COL4A5: variants seen among roughly 807,000 people sequenced by gnomAD.
COL4A5 encodes the protein collagen alpha-5(IV) chain.
COL4A5 carries 26 observed loss-of-function variants against 130.2 expected under a neutral mutation model. The ratio of observed to expected loss-of-function variants is 0.20; its 90% CI spans 0.15 to 0.28. The LOEUF (loss-of-function observed/expected upper bound fraction) is 0.28, where lower values mean the gene tolerates loss of function less well. Among genes scored for constraint, COL4A5 ranks in the 10% least tolerant of loss-of-function variants. COL4A5 has a pLI of 1.00. For synonymous variants in COL4A5, 496 were observed against 439.6 expected, an observed-to-expected ratio of 1.13 and a Z score of -1.60; for missense variants, 1,131 against 1,344.3, an observed-to-expected ratio of 0.84 and a Z score of 2.48.
At chrX:108,544,861 T>C (rs2065619090) in intron 2 of COL4A5, among the ~76,000 whole-genome samples, 1 of 112,067 alleles carries the variant, frequency 8.9e-6, no homozygotes, top group African/African-American at 3.2e-5. Flanking sequence ...TTGAGGAGTT[T>C]ATCCATTTCT....
chrX:108,542,760 C>G (rs1448503958), intron 2 of COL4A5, among the ~76,000 whole-genome samples: 1 of 104,679 alleles, frequency 9.6e-6, no homozygotes, highest in African/African-American at 4.0e-5. Flanking sequence ...CACATCCTCT[C>G]CAGCACCTGT....
intron 36 of COL4A5, chrX:108,627,503 A>G: frequency 1.4e-6 from 1 of 738,854 alleles, no homozygotes; most frequent in East Asian, 1.5e-4. Context: ...TTTTTTCAAT[A>G]TATCTTAGAC....
At chrX:108,621,398 C>T (rs1014531266) in intron 31 of COL4A5, among the ~76,000 whole-genome samples, 6 of 109,843 alleles carry the variant, frequency 5.5e-5, no homozygotes, top group Non-Finnish European at 1.1e-4. Flanking sequence ...TTCCTGTCCT[C>T]GAGCAATCCT....
chrX:108,469,637 T>A (rs1569474333), intron 1 of COL4A5, among the ~76,000 whole-genome samples: 2 of 112,111 alleles, frequency 1.8e-5, no homozygotes, highest in African/African-American at 6.5e-5. Flanking sequence ...CTTTTTGCTT[T>A]AAAGCTATAA....
At chrX:108,565,984 CTTTTT>C (rs113282994) in intron 4 of COL4A5, among the ~76,000 whole-genome samples, 1 of 86,761 alleles carries the variant, frequency 1.2e-5, no homozygotes, top group African/African-American at 4.2e-5. Flanking sequence ...GGCTATTCTT[CTTTTT>C]TTTTTTTTTT....
intron 29 of COL4A5, among the ~76,000 whole-genome samples, chrX:108,613,203 T>C (rs2066866544): frequency 8.9e-6 from 1 of 112,330 alleles, no homozygotes; most frequent in African/African-American, 3.2e-5. Flanking sequence ...GCAAACTTTT[T>C]CTGCAAAGAG....
intron 36 of COL4A5, among the ~76,000 whole-genome samples, chrX:108,632,487 G>A (rs746449710): frequency 3.3e-4 from 37 of 110,877 alleles, no homozygotes; most frequent in African/African-American, 1.0e-3. Context: ...TTATGAGGCC[G>A]GCATCATCCT....
chrX:108,453,503 G>T (rs1382385222), intron 1 of COL4A5, among the ~76,000 whole-genome samples: 1 of 110,506 alleles, frequency 9.0e-6, no homozygotes, highest in Non-Finnish European at 1.9e-5. Context: ...ACATTTAATG[G>T]GTTTATTGCC....
intron 49 of COL4A5, among the ~76,000 whole-genome samples, chrX:108,690,927 G>A (rs752733151): frequency 9.0e-6 from 1 of 111,607 alleles, no homozygotes; most frequent in African/African-American, 3.3e-5. Flanking sequence ...TCCAACAAAG[G>A]ATGAATGGAT....
chrX:108,658,904 A>G (rs775438587), intron 37 of COL4A5, among the ~76,000 whole-genome samples: 3 of 111,199 alleles, frequency 2.7e-5, no homozygotes, highest in Non-Finnish European at 5.7e-5. Flanking sequence ...ATTTCTGCTT[A>G]TATCTGTATT....
Position 108,622,819 on chromosome X carries a change from T to C in COL4A5, c.2911T>C (p.Leu971=). 1 of 1,205,807 alleles carries C rather than the reference T, an allele frequency of 8.3e-7. No individual in the cohort carries two copies. The highest frequency in any genetic ancestry group is 1.1e-6 in the Non-Finnish European group (1 of 892,550). Reference sequence around the variant, plus strand: ...AAAAGGAGAGAAGGGGGAACCTGGCTTACCAGGTGAGTGAATGAATTTATT... The same window carrying C: ...AAAAGGAGAGAAGGGGGAACCTGGCCTACCAGGTGAGTGAATGAATTTATT... ...GSKGEKGEPG[L]PGIPGVSGPK... Residue 971 remains leucine (L), a synonymous_variant, in exon 33 of 53, where the codon TTA becomes CTA. Transcript: ENST00000328300.
intron 36 of COL4A5, among the ~76,000 whole-genome samples, chrX:108,651,436 A>G (rs748727192): frequency 4.5e-5 from 5 of 111,894 alleles, no homozygotes; most frequent in Admixed American, 9.5e-5. Flanking sequence ...TTAAATTACT[A>G]TCTTTATTTT....
chrX:108,569,094 A>C (rs1042614118), intron 6 of COL4A5: 1 of 286,231 alleles, frequency 3.5e-6, no homozygotes, highest in Non-Finnish European at 6.1e-6. Flanking sequence ...AATTAAAACG[A>C]AATTAGGATA....
intron 9 of COL4A5, among the ~76,000 whole-genome samples, chrX:108,575,176 A>G (rs2066125055): frequency 1.8e-5 from 2 of 111,851 alleles, no homozygotes. Flanking sequence ...AGTTTTTAAC[A>G]TGCCAAATTA....
intron 36 of COL4A5, among the ~76,000 whole-genome samples, chrX:108,640,656 A>G (rs1427720053): frequency 9.0e-6 from 1 of 111,282 alleles, no homozygotes; most frequent in African/African-American, 3.3e-5. Context: ...AATTCTGGAG[A>G]TATATGGTGG....
intron 1 of COL4A5, among the ~76,000 whole-genome samples, chrX:108,455,396 G>A (rs2064574188): frequency 8.9e-6 from 1 of 112,019 alleles, no homozygotes; most frequent in Non-Finnish European, 1.9e-5. Flanking sequence ...CACTTTAAAA[G>A]TACTAAATTG....
At chrX:108,516,263 G>A (rs1188704529) in intron 1 of COL4A5, among the ~76,000 whole-genome samples, 1 of 112,221 alleles carries the variant, frequency 8.9e-6, no homozygotes, top group Non-Finnish European at 1.9e-5. Flanking sequence ...GACTTACTGA[G>A]TCTTAAATGC....
At chrX:108,443,448 G>A (rs1442536149) in intron 1 of COL4A5, among the ~76,000 whole-genome samples, 1 of 111,883 alleles carries the variant, frequency 8.9e-6, no homozygotes, top group Non-Finnish European at 1.9e-5. Context: ...CATGTCTATT[G>A]TGAAACAACC....
chrX:108,548,576 G>C (rs1330810282), intron 2 of COL4A5, among the ~76,000 whole-genome samples: 1 of 111,455 alleles, frequency 9.0e-6, no homozygotes, highest in Non-Finnish European at 1.9e-5. Context: ...ACTAAGAATG[G>C]CAAGAATTCT....
Sources: gnomAD v4.1 joint callset for allele counts (sites outside exome capture counted in the v4.1 genomes callset) on GRCh38, gnomAD v4.1.1 for gene constraint, MANE v1.5 for transcripts, NCBI Gene and HGNC (gene_info 2026-07-23, HGNC 2026-07-21) for gene names.